SNTG1: variants seen among roughly 807,000 people sequenced by gnomAD.
SNTG1 encodes the protein gamma-1-syntrophin.
A neutral mutation model predicts 74.7 loss-of-function variants in SNTG1; 39 were observed. That is an observed-to-expected ratio of 0.52 (90% CI 0.40 to 0.68). The LOEUF (loss-of-function observed/expected upper bound fraction) is 0.68, where lower values mean the gene tolerates loss of function less well. Ranked by LOEUF, SNTG1 falls within the 30% of genes least tolerant of loss-of-function variation. The pLI, the probability that SNTG1 is intolerant of heterozygous loss-of-function variation, is 0.00. For missense variants in SNTG1, 685 were observed against 609.5 expected (o/e 1.12, Z -1.30); for synonymous variants, 254 against 217.1 (o/e 1.17, Z -1.49).
intron 1 of SNTG1, among the ~76,000 whole-genome samples, chr8:50,130,511 T>C (rs1277247826): frequency 1.3e-5 from 2 of 152,200 alleles, no homozygotes; most frequent in East Asian, 3.9e-4. Context: ...TATTTTACTA[T>C]CATGATAATG....
At chr8:50,732,154 T>C (rs1342954153) in intron 17 of SNTG1, among the ~76,000 whole-genome samples, 1 of 152,000 alleles carries the variant, frequency 6.6e-6, no homozygotes, top group Non-Finnish European at 1.5e-5. Flanking sequence ...GTTTTTAAAG[T>C]CTGTTCACTC....
chr8:50,020,948 A>G (rs945858294), intron 1 of SNTG1, among the ~76,000 whole-genome samples: 4 of 152,174 alleles, frequency 2.6e-5, no homozygotes, highest in Non-Finnish European at 4.4e-5. Flanking sequence ...GGCAATCTAG[A>G]GTTTCTCAAA....
chr8:50,130,048 A>G (rs1367492086), intron 1 of SNTG1, among the ~76,000 whole-genome samples: 1 of 152,184 alleles, frequency 6.6e-6, no homozygotes, highest in East Asian at 1.9e-4. Context: ...TGTTCATGTG[A>G]ATGTGAAAAA....
At chr8:50,368,212 T>C (rs1412119949) in intron 2 of SNTG1, among the ~76,000 whole-genome samples, 1 of 152,166 alleles carries the variant, frequency 6.6e-6, no homozygotes, top group Admixed American at 6.5e-5. Context: ...GAAAAATGGT[T>C]CTTGTTATAT....
intron 2 of SNTG1, among the ~76,000 whole-genome samples, chr8:50,367,352 T>C (rs1030707774): frequency 6.6e-6 from 1 of 152,104 alleles, no homozygotes; most frequent in Admixed American, 6.6e-5. Context: ...ATTCATTAAA[T>C]TCCCACAGTA....
chr8:50,750,130 T>C (rs2095564033), intron 17 of SNTG1, among the ~76,000 whole-genome samples: 2 of 152,004 alleles, frequency 1.3e-5, no homozygotes, highest in African/African-American at 4.8e-5. Flanking sequence ...TTGGAAGAAG[T>C]TGAATCAATT....
chr8:50,423,961 G>A (rs1371990412), intron 4 of SNTG1, among the ~76,000 whole-genome samples: 1 of 152,110 alleles, frequency 6.6e-6, no homozygotes, highest in Non-Finnish European at 1.5e-5. Flanking sequence ...CTAAAGTCTT[G>A]GATATGGGGA....
intron 1 of SNTG1, among the ~76,000 whole-genome samples, chr8:50,076,051 A>C (rs1371519730): frequency 6.6e-6 from 1 of 152,166 alleles, no homozygotes; most frequent in Non-Finnish European, 1.5e-5. Context: ...ATTGACCACA[A>C]ATCTTCAATT....
intron 12 of SNTG1, among the ~76,000 whole-genome samples, chr8:50,558,586 C>A (rs1393235305): frequency 6.6e-6 from 1 of 151,352 alleles, no homozygotes; most frequent in Non-Finnish European, 1.5e-5. Flanking sequence ...TTGCCTTTTG[C>A]ATTTTATCTA....
In SNTG1 at chr8:50,606,135, A is replaced by C. The variant is rs183849177; in HGVS notation, c.849+15218A>C. 4.5e-4 allele frequency among the ~76,000 whole-genome samples: 68 copies of C among 152,094 alleles called. No homozygotes were observed. In the East Asian group the frequency reaches 4.6e-3, roughly 10 times the overall value. On this transcript the variant is annotated intron_variant, in intron 13 of 18. Coordinates refer to ENST00000642720, the MANE Select transcript of SNTG1 (RefSeq NM_018967.5). ...GTTTTTATTCGAAGTAATTTTGTCT[A>C]CTCTGGAATCTTGCTCTTTCTAAAC... is the stretch of plus-strand genomic sequence containing the variant.
intron 2 of SNTG1, among the ~76,000 whole-genome samples, chr8:50,330,473 A>G (rs2090919957): frequency 6.6e-6 from 1 of 152,202 alleles, no homozygotes; most frequent in African/African-American, 2.4e-5. Context: ...GAAAGTTTCA[A>G]ACTTTCTCAC....
In SNTG1 at chr8:50,674,200, A is replaced by T. The variant is rs543849992; in HGVS notation, c.1038+15537A>T. ...TTACACTGGCTTCATAAAATGAGTT[A>T]AGGAGGAGTCCCTCCTTTTGGATTG... On this transcript the variant is annotated intron_variant, in intron 15 of 18. Coordinates refer to ENST00000642720, the MANE Select transcript of SNTG1 (RefSeq NM_018967.5). Among the ~76,000 whole-genome samples the T allele has an allele frequency of 2.6e-5, 4 of 152,194 alleles. No individual in the cohort carries two copies. The South Asian group carries it at 8.3e-4, about 32-fold the overall frequency.
At chr8:50,712,257 G>A (rs192622227) in intron 17 of SNTG1, among the ~76,000 whole-genome samples, 1 of 152,242 alleles carries the variant, frequency 6.6e-6, no homozygotes, top group East Asian at 1.9e-4. Flanking sequence ...GGGAAGAGGA[G>A]ATGAGAAATC....
rs187977364 is a variant in SNTG1, at chr8:49,984,320, C to T, written c.-103+72089C>T. Among the ~76,000 whole-genome samples the T allele has an allele frequency of 6.6e-5, 10 of 152,138 alleles. No homozygotes were observed. In the East Asian group the frequency reaches 7.7e-4, roughly 12 times the overall value. ...TCCCAGATTCAAGCGATTCTCCTGC[C>T]TCAGTCTCCCGAGTAGCTGGGATTA... On this transcript the variant is annotated intron_variant, in intron 1 of 18. Transcript: ENST00000642720.
chr8:50,645,647 A>G (rs2095104395), intron 13 of SNTG1, among the ~76,000 whole-genome samples: 1 of 152,186 alleles, frequency 6.6e-6, no homozygotes, highest in Non-Finnish European at 1.5e-5. Context: ...TAACAGGTAC[A>G]ATTTATCTCA....
chr8:50,278,910 A>C (rs1019007883), intron 2 of SNTG1, among the ~76,000 whole-genome samples: 5 of 152,166 alleles, frequency 3.3e-5, no homozygotes, highest in African/African-American at 1.2e-4. Context: ...TAAATTTCAG[A>C]AATGTTTATA....
intron 2 of SNTG1, among the ~76,000 whole-genome samples, chr8:50,251,326 T>C (rs908835403): frequency 9.9e-5 from 15 of 151,740 alleles, no homozygotes; most frequent in African/African-American, 3.4e-4. Flanking sequence ...AAACAAAATA[T>C]CTACAAAACA....
chr8:50,263,031 A>G (rs1452263528), intron 2 of SNTG1, among the ~76,000 whole-genome samples: 1 of 152,184 alleles, frequency 6.6e-6, no homozygotes, highest in African/African-American at 2.4e-5. Flanking sequence ...TCTATTTTAT[A>G]ATGGTGGATA....
At chr8:50,171,215 A>G (rs2082794309) in intron 1 of SNTG1, among the ~76,000 whole-genome samples, 2 of 152,152 alleles carry the variant, frequency 1.3e-5, no homozygotes, top group Admixed American at 6.6e-5. Context: ...TAGGAAATAT[A>G]CATACATATA....
Sources: allele counts gnomAD v4.1 joint callset (sites outside exome capture counted in the v4.1 genomes callset), GRCh38; gene constraint gnomAD v4.1.1; transcripts MANE v1.5; gene names NCBI Gene and HGNC (gene_info 2026-07-23, HGNC 2026-07-21).